NWD2: variants seen among roughly 807,000 people sequenced by gnomAD.
The protein encoded by NWD2 is NACHT and WD repeat domain-containing protein 2.
Under a neutral mutation model 132.7 loss-of-function variants are expected in NWD2, and 37 were observed. That is an observed-to-expected ratio of 0.28 (90% CI 0.21 to 0.37). NWD2 has a LOEUF of 0.37. Among genes scored for constraint, NWD2 ranks in the 10% least tolerant of loss-of-function variants. The pLI is 1.00. For missense variants in NWD2, 1,592 were observed against 2,122.4 expected (o/e 0.75, Z 4.91); for synonymous variants, 705 against 803.0 (o/e 0.88, Z 2.06).
In NWD2 at chr4:37,430,561, T is replaced by G. The variant is rs1178031113; in HGVS notation, c.358-11T>G. The G allele has an allele frequency of 6.5e-7, 1 of 1,546,820 alleles. No individual in the cohort carries two copies. The highest frequency in any genetic ancestry group is 8.8e-7 in the Non-Finnish European group (1 of 1,142,822). ...TGATACACTAAATTGAACTTTCTTG[T>G]TGATACACAGGGACTATTAGGTGAA... On this transcript the variant is annotated splice_polypyrimidine_tract_variant and intron_variant, in intron 3 of 6. Transcript: ENST00000309447.
chr4:37,419,090 A>G (rs1305269716), intron 3 of NWD2, among the ~76,000 whole-genome samples: 4 of 152,204 alleles, frequency 2.6e-5, no homozygotes, highest in African/African-American at 7.2e-5. Context: ...CTCAGAAATA[A>G]CACCACACAT....
intron 2 of NWD2, among the ~76,000 whole-genome samples, chr4:37,346,226 A>G (rs1719633812): frequency 6.6e-6 from 1 of 152,092 alleles, no homozygotes; most frequent in African/African-American, 2.4e-5. Flanking sequence ...ATTCTTTTGC[A>G]TGTGAATATT....
At chr4:37,392,713 T>C (rs1010457251) in intron 3 of NWD2, among the ~76,000 whole-genome samples, 5 of 152,210 alleles carry the variant, frequency 3.3e-5, no homozygotes, top group African/African-American at 1.2e-4. Context: ...TAGCTTGAGC[T>C]TGGCCCTTGC....
chr4:37,352,211 G>A (rs1047511961), intron 2 of NWD2, among the ~76,000 whole-genome samples: 1 of 152,158 alleles, frequency 6.6e-6, no homozygotes, highest in Non-Finnish European at 1.5e-5. Context: ...TTCCAGAGCT[G>A]AGTTCAAGTC....
intron 1 of NWD2, among the ~76,000 whole-genome samples, chr4:37,247,283 C>T (rs1717262934): frequency 1.3e-5 from 2 of 152,342 alleles, no homozygotes; most frequent in South Asian, 4.1e-4. Context: ...AGAGGCAGCA[C>T]TTGACCGTGG....
intron 2 of NWD2, among the ~76,000 whole-genome samples, chr4:37,354,193 G>A (rs1156367108): frequency 2.0e-5 from 3 of 152,190 alleles, no homozygotes. Context: ...AGCAAAGATT[G>A]CTGCCTGTTC....
In NWD2 at chr4:37,298,608, G is replaced by T. The variant is rs147749158; in HGVS notation, c.152-27328G>T. Among the ~76,000 whole-genome samples the T allele has an allele frequency of 6.4e-4, 98 of 152,222 alleles. 1 individual carries two copies. The East Asian group carries it at 0.017, about 26-fold the overall frequency. ...GGATGGGCAGATGGATAGGAGAAAA[G>T]AGAGCTCTTCATTATTTGCTAAGTG... On this transcript the variant is annotated intron_variant, in intron 1 of 6. Coordinates refer to ENST00000309447, the MANE Select transcript of NWD2 (RefSeq NM_001144990.2).
At chr4:37,256,673 C>T (rs1007819475) in intron 1 of NWD2, among the ~76,000 whole-genome samples, 2 of 152,120 alleles carry the variant, frequency 1.3e-5, no homozygotes, top group African/African-American at 4.8e-5. Flanking sequence ...CCTTTACGAG[C>T]CCATTTGTTT....
chr4:37,297,068 C>T (rs932029284), intron 1 of NWD2, among the ~76,000 whole-genome samples: 1 of 152,146 alleles, frequency 6.6e-6, no homozygotes, highest in Non-Finnish European at 1.5e-5. Flanking sequence ...CATTTTACCA[C>T]ATTTGCTTTA....
chr4:37,321,556 A>G (rs1350175451), intron 1 of NWD2, among the ~76,000 whole-genome samples: 1 of 152,212 alleles, frequency 6.6e-6, no homozygotes, highest in African/African-American at 2.4e-5. Context: ...ATAAATTAAG[A>G]CATACCTCAT....
intron 1 of NWD2, among the ~76,000 whole-genome samples, chr4:37,248,971 A>G (rs1717298523): frequency 1.3e-5 from 2 of 152,244 alleles, no homozygotes; most frequent in Admixed American, 1.3e-4. Flanking sequence ...GAATAGGTGT[A>G]TAAGGAAACA....
chr4:37,433,875 G>A lies in NWD2; in HGVS notation c.562-1G>A, dbSNP rs1032425537. The A allele has an allele frequency of 7.2e-6, 11 of 1,528,450 alleles. No individual in the cohort carries two copies. The highest frequency in any genetic ancestry group is 8.8e-6 in the Non-Finnish European group (10 of 1,137,036). The allele number at this position is 1,528,450 out of a possible 1,614,324, so 94.7% of individuals were successfully genotyped here. On this transcript the variant is annotated splice_acceptor_variant, in intron 4 of 6. Transcript: ENST00000309447. LOFTEE classifies it high-confidence loss of function. ...AATTTCTCCCTTTTACATTTCTATA[G>A]ATGCAGCCTTCTACCAATGCTGAAA...
chr4:37,421,103 G>A (rs778413950), intron 3 of NWD2, among the ~76,000 whole-genome samples: 6 of 152,036 alleles, frequency 3.9e-5, no homozygotes, highest in Admixed American at 6.6e-5. Flanking sequence ...CACCATGCCC[G>A]GCTAATTTGA....
intron 1 of NWD2, among the ~76,000 whole-genome samples, chr4:37,290,685 C>T (rs1369415): frequency 0.37 from 56,252 of 151,942 alleles, 10,851 homozygotes; most frequent in African/African-American, 0.47. Context: ...GGAAATGGAA[C>T]GTAGATAACA....
chr4:37,297,374 A>G (rs996521589), intron 1 of NWD2, among the ~76,000 whole-genome samples: 22 of 152,070 alleles, frequency 1.4e-4, no homozygotes, highest in African/African-American at 5.3e-4. Flanking sequence ...AATATTTTCT[A>G]TCTGTGATTG....
chr4:37,430,774 C>T lies in NWD2; in HGVS notation c.560C>T (p.Ala187Val), dbSNP rs571499614. 32 of 1,550,936 alleles carry T rather than the reference C, an allele frequency of 2.1e-5. No homozygotes were observed. The highest frequency in any genetic ancestry group is 3.3e-4 in the Middle Eastern group (2 of 5,980). The change falls in exon 4 of 7, where the codon GCA becomes GTA. Residue 187 changes from alanine to valine, a missense_variant and splice_region_variant. Ala to Val is a moderately conservative substitution (Grantham distance 64). Transcript: ENST00000309447. Reference protein sequence around the residue: ...KSEMLRSNRNAMQPSTNAENE... With the variant: ...KSEMLRSNRNVMQPSTNAENE... Reference sequence around the variant, plus strand: ...GAAATGCTGAGAAGCAATAGAAATGCAGTAAGCTGCCTTTCCCTCAAGCCT... The same window carrying T: ...GAAATGCTGAGAAGCAATAGAAATGTAGTAAGCTGCCTTTCCCTCAAGCCT...
rs144776794 is a variant in NWD2, at chr4:37,445,285, T to C, written c.3297T>C (p.Tyr1099=). The C allele has an allele frequency of 2.6e-4, 406 of 1,551,994 alleles. 2 individuals carry two copies. In the East Asian group the frequency reaches 8.0e-3, roughly 31 times the overall value. Reference sequence around the variant, plus strand: ...CGCTTTACCAGTTCCACTGCTGGTATGAAGTGACGTGCGTCCAGTGCTCCC... The same window carrying C: ...CGCTTTACCAGTTCCACTGCTGGTACGAAGTGACGTGCGTCCAGTGCTCCC... ...GWPLYQFHCW[Y]EVTCVQCSLD... Residue 1099 remains tyrosine (Y), a synonymous_variant, in exon 7 of 7, where the codon TAT becomes TAC. Coordinates refer to ENST00000309447, the MANE Select transcript of NWD2 (RefSeq NM_001144990.2). The surrounding 1 kb of genome is among the most constrained non-coding windows in gnomAD (Gnocchi z 4.7).
chr4:37,397,820 T>A (rs1720828691), intron 3 of NWD2, among the ~76,000 whole-genome samples: 1 of 151,898 alleles, frequency 6.6e-6, no homozygotes, highest in Non-Finnish European at 1.5e-5. Flanking sequence ...TCTTTCTCCC[T>A]CCCTCCTCTA....
chr4:37,277,038 G>GGGTGCATCACTAT, intron 1 of NWD2, among the ~76,000 whole-genome samples: 1 of 152,048 alleles, frequency 6.6e-6, no homozygotes, highest in Middle Eastern at 3.4e-3. Flanking sequence ...AGTGTTGAAT[G>GGGTGCATCACTAT]ACGAGTTAAT....
Sources: allele counts gnomAD v4.1 joint callset (sites outside exome capture counted in the v4.1 genomes callset), GRCh38; gene constraint gnomAD v4.1.1; non-coding constraint Gnocchi (gnomAD v3.1); transcripts MANE v1.5; gene names NCBI Gene and HGNC (gene_info 2026-07-23, HGNC 2026-07-21).